TMEM132C: variants seen among roughly 807,000 people sequenced by gnomAD.
The protein encoded by TMEM132C is protein phosphatase 1, regulatory subunit 152.
A neutral mutation model predicts 61.4 loss-of-function variants in TMEM132C; 29 were observed. That is an observed-to-expected ratio of 0.47 (90% CI 0.35 to 0.64). The LOEUF (loss-of-function observed/expected upper bound fraction) is 0.64. TMEM132C is among the 30% of genes least tolerant of loss of function. TMEM132C has a pLI of 0.00. For missense variants in TMEM132C, 1,408 were observed against 1,476.9 expected (o/e 0.95, Z 0.76); for synonymous variants, 656 against 633.1 (o/e 1.04, Z -0.54).
intron 3 of TMEM132C, among the ~76,000 whole-genome samples, chr12:128,578,616 G>C (rs1164795716): frequency 1.3e-5 from 2 of 152,024 alleles, no homozygotes; most frequent in African/African-American, 2.4e-5. Flanking sequence ...TGTTATTGTT[G>C]AGACAGAGTC....
chr12:128,283,422 A>G (rs1035738504), intron 1 of TMEM132C, among the ~76,000 whole-genome samples: 1 of 152,150 alleles, frequency 6.6e-6, no homozygotes, highest in Non-Finnish European at 1.5e-5. Context: ...GGGGTGCTCT[A>G]GTTCCACTCA....
chr12:128,424,322 C>T (rs936170970), intron 2 of TMEM132C, among the ~76,000 whole-genome samples: 7 of 151,906 alleles, frequency 4.6e-5, no homozygotes, highest in Non-Finnish European at 8.8e-5. Flanking sequence ...CCACTGTATG[C>T]GTAGATCACC....
intron 1 of TMEM132C, among the ~76,000 whole-genome samples, chr12:128,384,917 G>C (rs1874526799): frequency 6.6e-6 from 1 of 152,112 alleles, no homozygotes; most frequent in East Asian, 1.9e-4. Context: ...GCAGGACGTG[G>C]TCCTCTCCGG....
intron 4 of TMEM132C, among the ~76,000 whole-genome samples, chr12:128,666,574 A>G (rs1283576439): frequency 1.3e-5 from 2 of 152,236 alleles, no homozygotes; most frequent in Non-Finnish European, 2.9e-5. Context: ...AAAGATTCCA[A>G]GAGATATGAT....
chr12:128,276,894 G>GCA (rs71069547), intron 1 of TMEM132C, among the ~76,000 whole-genome samples: 79,820 of 149,894 alleles, frequency 0.53, 21,125 homozygotes, highest in Middle Eastern at 0.62. Context: ...GTGCGTGCAT[G>GCA]CACACACACA....
intron 4 of TMEM132C, among the ~76,000 whole-genome samples, chr12:128,665,621 G>GCGCACACA (rs1555241551): frequency 2.6e-4 from 31 of 120,316 alleles, no homozygotes; most frequent in South Asian, 2.5e-3. Context: ...CCAAACACAG[G>GCGCACACA]CACACACACA....
At chr12:128,414,027 G>C (rs554284045) in intron 1 of TMEM132C, among the ~76,000 whole-genome samples, 3 of 152,048 alleles carry the variant, frequency 2.0e-5, no homozygotes, top group Non-Finnish European at 4.4e-5. Flanking sequence ...TCTTATGTAC[G>C]GTGTGGAGTG....
intron 3 of TMEM132C, among the ~76,000 whole-genome samples, chr12:128,549,002 T>TC (rs1055448605): frequency 3.3e-5 from 5 of 152,116 alleles, no homozygotes; most frequent in African/African-American, 1.2e-4. Flanking sequence ...CATGAGCCAA[T>TC]CCCCCTTGGG....
At chr12:128,375,007 C>T (rs1178139525) in intron 1 of TMEM132C, among the ~76,000 whole-genome samples, 2 of 133,950 alleles carry the variant, frequency 1.5e-5, no homozygotes, top group Non-Finnish European at 1.6e-5. Context: ...CAGCACCATT[C>T]GCTCTTGGCC....
chr12:128,451,820 T>C (rs931241398), intron 2 of TMEM132C, among the ~76,000 whole-genome samples: 1 of 152,068 alleles, frequency 6.6e-6, no homozygotes, highest in South Asian at 2.1e-4. Context: ...AGCTACTAAG[T>C]GTTAGCTCTC....
chr12:128,455,191 G>A (rs1870300441), intron 2 of TMEM132C, among the ~76,000 whole-genome samples: 1 of 152,220 alleles, frequency 6.6e-6, no homozygotes, highest in African/African-American at 2.4e-5. Flanking sequence ...TGAGTCTAAG[G>A]TGTGATTACA....
At chr12:128,608,947 T>G (rs1876521053) in intron 3 of TMEM132C, among the ~76,000 whole-genome samples, 1 of 152,190 alleles carries the variant, frequency 6.6e-6, no homozygotes, top group Non-Finnish European at 1.5e-5. Context: ...ATTATCTGCT[T>G]CTGTAAATTT....
intron 2 of TMEM132C, among the ~76,000 whole-genome samples, chr12:128,418,229 G>C (rs75383216): frequency 7.9e-5 from 12 of 152,332 alleles, no homozygotes; most frequent in Admixed American, 3.9e-4. Context: ...AAGTCCTTGT[G>C]TCTCAGGCGT....
intron 2 of TMEM132C, among the ~76,000 whole-genome samples, chr12:128,435,127 C>A (rs1869536765): frequency 3.9e-5 from 6 of 152,180 alleles, no homozygotes; most frequent in Admixed American, 3.9e-4. Flanking sequence ...AGGTTAACAG[C>A]AAACTACCAG....
intron 1 of TMEM132C, among the ~76,000 whole-genome samples, chr12:128,388,923 A>T (rs1683695): frequency 0.26 from 39,863 of 152,138 alleles, 5,326 homozygotes; most frequent in Middle Eastern, 0.33. Flanking sequence ...CATACCAGAT[A>T]CTGAATTCAC....
intron 3 of TMEM132C, among the ~76,000 whole-genome samples, chr12:128,564,876 C>A (rs1490798523): frequency 6.6e-6 from 1 of 152,168 alleles, no homozygotes; most frequent in African/African-American, 2.4e-5. Flanking sequence ...AGGGATCCCC[C>A]CTTCCTGGTA....
chr12:128,371,613 C>T (rs1874030387), intron 1 of TMEM132C, among the ~76,000 whole-genome samples: 1 of 152,168 alleles, frequency 6.6e-6, no homozygotes, highest in African/African-American at 2.4e-5. Flanking sequence ...CTTACTGTTG[C>T]CTAGGCTGGA....
chr12:128,321,902 G>A (rs1169343097), intron 1 of TMEM132C, among the ~76,000 whole-genome samples: 1 of 152,176 alleles, frequency 6.6e-6, no homozygotes, highest in African/African-American at 2.4e-5. Context: ...AAGACAGGAT[G>A]TGGTGGAAGG....
At chr12:128,385,937 G>A (rs1874565904) in intron 1 of TMEM132C, among the ~76,000 whole-genome samples, 1 of 152,118 alleles carries the variant, frequency 6.6e-6, no homozygotes, top group African/African-American at 2.4e-5. Context: ...CTCTGAACTT[G>A]GGGTGAAGGC....
Sources: allele counts gnomAD v4.1 joint callset (sites outside exome capture counted in the v4.1 genomes callset), GRCh38; gene constraint gnomAD v4.1.1; transcripts MANE v1.5; gene names NCBI Gene and HGNC (gene_info 2026-07-23, HGNC 2026-07-21).